ADGRL3: variants seen among roughly 807,000 people sequenced by gnomAD.
ADGRL3 encodes adhesion G protein-coupled receptor L3, also known as calcium-independent alpha-latrotoxin receptor 3.
Under a neutral mutation model 153.5 loss-of-function variants are expected in ADGRL3, and 62 were observed. That is an observed-to-expected ratio of 0.40 (90% CI 0.33 to 0.50). The LOEUF is 0.50. Among genes scored for constraint, ADGRL3 ranks in the 20% least tolerant of loss-of-function variants. The probability of loss-of-function intolerance (pLI) is 0.47; values close to 1 mark genes in which losing one functional copy is unlikely to be tolerated. For missense variants in ADGRL3, 1,641 were observed against 1,859.4 expected (o/e 0.88, Z 2.16); for synonymous variants, 710 against 672.5 (o/e 1.06, Z -0.86).
chr4:61,590,778 CT>C (rs1369859077), intron 5 of ADGRL3, among the ~76,000 whole-genome samples: 1 of 152,090 alleles, frequency 6.6e-6, no homozygotes, highest in African/African-American at 2.4e-5. Context: ...CTTAGAGCTG[CT>C]TCTTGAAAGA....
At chr4:61,516,847 A>T (rs2098498812) in intron 3 of ADGRL3, among the ~76,000 whole-genome samples, 1 of 152,004 alleles carries the variant, frequency 6.6e-6, no homozygotes. Context: ...AACAAAAGAC[A>T]CCTTTCTGGG....
intron 8 of ADGRL3, among the ~76,000 whole-genome samples, chr4:61,806,363 ATGTG>A (rs1349514355): frequency 3.3e-5 from 5 of 151,808 alleles, no homozygotes; most frequent in Non-Finnish European, 7.4e-5. Context: ...GTGTGTGTGT[ATGTG>A]TGTATTTATG....
intron 5 of ADGRL3, among the ~76,000 whole-genome samples, chr4:61,635,662 A>G (rs1362109200): frequency 6.6e-6 from 1 of 152,150 alleles, no homozygotes; most frequent in Non-Finnish European, 1.5e-5. Context: ...GACCCATTGT[A>G]TGAGTTTCCT....
intron 3 of ADGRL3, among the ~76,000 whole-genome samples, chr4:61,516,970 C>T (rs1293246160): frequency 2.0e-5 from 3 of 151,742 alleles, no homozygotes; most frequent in Admixed American, 6.6e-5. Context: ...CATTAGAGTG[C>T]TGTGAATCTA....
chr4:61,543,746 T>C (rs1284709730), intron 4 of ADGRL3, among the ~76,000 whole-genome samples: 3 of 152,224 alleles, frequency 2.0e-5, no homozygotes, highest in African/African-American at 7.2e-5. Context: ...TAACCATGCA[T>C]AAATGCATAG....
intron 17 of ADGRL3, among the ~76,000 whole-genome samples, chr4:61,973,078 C>T (rs1190363241): frequency 6.6e-6 from 1 of 151,344 alleles, no homozygotes; most frequent in Non-Finnish European, 1.5e-5. Flanking sequence ...GGAAACACTT[C>T]CATAGTTAAA....
Position 61,263,250 on chromosome 4 carries a change from A to G in ADGRL3, c.-240+61485A>G, listed in dbSNP as rs148052950. Among the ~76,000 whole-genome samples the G allele has an allele frequency of 4.6e-5, 7 of 152,068 alleles. No homozygotes were observed. The East Asian group carries it at 1.3e-3, about 29-fold the overall frequency. ...TGCAAATAATTAAACTGAAATTTAT[A>G]ATATGTAAAATATTTTAATAGAAAT... is the stretch of plus-strand genomic sequence containing the variant. On this transcript the variant is annotated intron_variant, in intron 1 of 26. Transcript: ENST00000683033.
chr4:61,880,061 T>A (rs2098500354), intron 9 of ADGRL3, among the ~76,000 whole-genome samples: 1 of 152,054 alleles, frequency 6.6e-6, no homozygotes, highest in Admixed American at 6.6e-5. Context: ...GTAGGCTTGG[T>A]TGGCCATAAC....
chr4:61,717,062 G>A (rs2096130500), intron 6 of ADGRL3, among the ~76,000 whole-genome samples: 1 of 152,110 alleles, frequency 6.6e-6, no homozygotes, highest in African/African-American at 2.4e-5. Flanking sequence ...TGCGGGTTAA[G>A]ATGTAATTGT....
intron 4 of ADGRL3, among the ~76,000 whole-genome samples, chr4:61,528,906 C>A (rs563916924): frequency 2.0e-5 from 3 of 152,192 alleles, no homozygotes; most frequent in Admixed American, 2.0e-4. Context: ...TGGAGAGATA[C>A]TGGGACTCAG....
chr4:61,994,345 T>G (rs994690607), intron 19 of ADGRL3, among the ~76,000 whole-genome samples: 8 of 151,802 alleles, frequency 5.3e-5, no homozygotes, highest in Admixed American at 5.3e-4. Flanking sequence ...AGAGATGAGG[T>G]CTCACTATAT....
intron 9 of ADGRL3, among the ~76,000 whole-genome samples, chr4:61,823,932 G>A (rs765799604): frequency 8.6e-5 from 13 of 152,046 alleles, no homozygotes; most frequent in South Asian, 2.1e-4. Flanking sequence ...GTGGTGGCAC[G>A]CACCTGTAGT....
chr4:61,667,993 A>G (rs2094859510), intron 5 of ADGRL3, among the ~76,000 whole-genome samples: 2 of 152,158 alleles, frequency 1.3e-5, no homozygotes, highest in Non-Finnish European at 1.5e-5. Context: ...AGGATGAATA[A>G]TGACCCCCAC....
At chr4:61,907,664 T>TA (rs1341908491) in intron 11 of ADGRL3, among the ~76,000 whole-genome samples, 2 of 151,436 alleles carry the variant, frequency 1.3e-5, no homozygotes, top group African/African-American at 2.4e-5. Context: ...TGATATATGA[T>TA]AAAAAGAGAT....
intron 2 of ADGRL3, among the ~76,000 whole-genome samples, chr4:61,421,431 G>A (rs1208924383): frequency 1.3e-5 from 2 of 151,578 alleles, no homozygotes; most frequent in African/African-American, 2.4e-5. Flanking sequence ...CATGTGAAAA[G>A]CACTAGAAAT....
chr4:61,230,141 A>T lies in ADGRL3; in HGVS notation c.-240+28376A>T, dbSNP rs142229383. On this transcript the variant is annotated intron_variant, in intron 1 of 26. Transcript: ENST00000683033. ...GTAATTTTAAAAGAAGCACATCATG[A>T]TGGTGAATAAAATGAAGGTTTTCTT... 9.3e-4 allele frequency among the ~76,000 whole-genome samples: 141 copies of T among 152,270 alleles called. 1 individual carries two copies. The highest frequency in any genetic ancestry group is 3.2e-3 in the African/African-American group (135 of 41,556).
intron 1 of ADGRL3, among the ~76,000 whole-genome samples, chr4:61,206,996 A>G (rs1458095424): frequency 6.6e-6 from 1 of 151,776 alleles, no homozygotes. Flanking sequence ...AAATAAATAA[A>G]TAAATAAATA....
chr4:61,641,633 T>C (rs1172057212), intron 5 of ADGRL3, among the ~76,000 whole-genome samples: 1 of 152,058 alleles, frequency 6.6e-6, no homozygotes, highest in African/African-American at 2.4e-5. Flanking sequence ...TTTTTATGGC[T>C]GCATAGTATT....
chr4:61,829,161 CT>C (rs556489462), intron 9 of ADGRL3, among the ~76,000 whole-genome samples: 125 of 152,150 alleles, frequency 8.2e-4, no homozygotes, highest in Non-Finnish European at 1.2e-3. Flanking sequence ...TAAATGGGCA[CT>C]TAATAGTCAA....
Sources: allele counts gnomAD v4.1 joint callset (sites outside exome capture counted in the v4.1 genomes callset), GRCh38; gene constraint gnomAD v4.1.1; transcripts MANE v1.5; gene names NCBI Gene and HGNC (gene_info 2026-07-23, HGNC 2026-07-21).